CAP2: variants seen among roughly 807,000 people sequenced by gnomAD.
CAP2 encodes the protein cyclase associated actin cytoskeleton regulatory protein 2.
Under a neutral mutation model 57.7 loss-of-function variants are expected in CAP2, and 24 were observed. That is an observed-to-expected ratio of 0.42 (90% CI 0.30 to 0.58). The LOEUF (loss-of-function observed/expected upper bound fraction) is 0.58. Among genes scored for constraint, CAP2 ranks in the 20% least tolerant of loss-of-function variants. The pLI is 0.22. For synonymous variants in CAP2, 194 were observed against 207.2 expected (o/e 0.94, Z 0.55); for missense variants, 501 against 590.3 (o/e 0.85, Z 1.57).
intron 3 of CAP2, among the ~76,000 whole-genome samples, chr6:17,461,719 G>A (rs908103001): frequency 5.3e-5 from 8 of 151,596 alleles, no homozygotes; most frequent in East Asian, 2.0e-4. Context: ...AAGGCCAGGC[G>A]TGGTGGCTCA....
At chr6:17,456,483 C>A (rs1410470996) in intron 3 of CAP2, among the ~76,000 whole-genome samples, 1 of 152,124 alleles carries the variant, frequency 6.6e-6, no homozygotes, top group Non-Finnish European at 1.5e-5. Flanking sequence ...TTCTTTACCT[C>A]TTCATTGGCA....
chr6:17,480,940 G>A (rs1227226207), intron 4 of CAP2, among the ~76,000 whole-genome samples: 1 of 140,660 alleles, frequency 7.1e-6, no homozygotes, highest in Non-Finnish European at 1.5e-5. Flanking sequence ...CACCACACCT[G>A]GCTAATTTTG....
intron 3 of CAP2, among the ~76,000 whole-genome samples, chr6:17,454,457 C>G (rs966121368): frequency 6.6e-6 from 1 of 152,252 alleles, no homozygotes; most frequent in Non-Finnish European, 1.5e-5. Flanking sequence ...ATTCTGTCCT[C>G]GGCCTGCAGC....
chr6:17,541,585 A>T (rs1244228671), intron 9 of CAP2, among the ~76,000 whole-genome samples: 1 of 152,152 alleles, frequency 6.6e-6, no homozygotes, highest in African/African-American at 2.4e-5. Flanking sequence ...GTCTCAAAAA[A>T]AAAGAATGGG....
At chr6:17,487,565 G>A (rs2113630676) in intron 4 of CAP2, among the ~76,000 whole-genome samples, 1 of 152,282 alleles carries the variant, frequency 6.6e-6, no homozygotes, top group East Asian at 1.9e-4. Context: ...CGCCTCCCGG[G>A]TTCAAGCGAT....
intron 4 of CAP2, among the ~76,000 whole-genome samples, chr6:17,476,145 AC>A (rs1244227874): frequency 6.6e-6 from 1 of 152,242 alleles, no homozygotes; most frequent in East Asian, 1.9e-4. Context: ...CATCATACAA[AC>A]CAAGATACAA....
chr6:17,419,935 A>G (rs1033349947), intron 1 of CAP2, among the ~76,000 whole-genome samples: 4 of 152,020 alleles, frequency 2.6e-5, no homozygotes, highest in African/African-American at 9.7e-5. Flanking sequence ...GCAGTGGCAC[A>G]ATCTCGGCTC....
intron 4 of CAP2, among the ~76,000 whole-genome samples, chr6:17,492,941 A>G (rs543644993): frequency 2.6e-5 from 4 of 152,320 alleles, no homozygotes; most frequent in South Asian, 4.1e-4. Context: ...TGTAACAGAT[A>G]AAAAGAACAA....
At chr6:17,427,447 G>A (rs1194349467) in intron 3 of CAP2, among the ~76,000 whole-genome samples, 1 of 152,068 alleles carries the variant, frequency 6.6e-6, no homozygotes, top group Non-Finnish European at 1.5e-5. Context: ...TCTGTAAAAT[G>A]CGGCCTGAGG....
rs1762629658 is a variant in CAP2, at chr6:17,531,176, A to G, written c.637-8093A>G. On this transcript the variant is annotated intron_variant, in intron 7 of 12. Coordinates refer to ENST00000229922, the MANE Select transcript of CAP2 (RefSeq NM_006366.3). ...TACTGATTTTGCCATAACCACACTT[A>G]TGGATTAGTTCATTTACTGACTTCA... The G allele has an allele frequency of 6.5e-6, 5 of 766,802 alleles. No homozygotes were observed. The East Asian group carries it at 1.2e-4, about 19-fold the overall frequency. The allele number at this position is 766,802 out of a possible 1,614,324, so 47.5% of individuals were successfully genotyped here. A position where few individuals can be genotyped will look rare whatever the true frequency, so the allele number is the denominator to read the frequency against.
chr6:17,476,864 C>CTTTTTTTTTTT (rs67003718), intron 4 of CAP2, among the ~76,000 whole-genome samples: 2 of 72,408 alleles, frequency 2.8e-5, no homozygotes, highest in Non-Finnish European at 2.3e-5. Context: ...TTTCTTACTT[C>CTTTTTTTTTTT]TTTTTTTTTT....
chr6:17,396,552 T>C (rs912650967), intron 1 of CAP2, among the ~76,000 whole-genome samples: 4 of 152,254 alleles, frequency 2.6e-5, no homozygotes, highest in African/African-American at 9.6e-5. Context: ...AGTCAAAATA[T>C]CACGTACTGT....
intron 1 of CAP2, among the ~76,000 whole-genome samples, chr6:17,405,170 G>A (rs959023017): frequency 6.6e-6 from 1 of 152,150 alleles, no homozygotes; most frequent in Admixed American, 6.5e-5. Context: ...ATCACCTGAG[G>A]TCAGGATTCG....
chr6:17,428,684 T>G (rs1446385259), intron 3 of CAP2, among the ~76,000 whole-genome samples: 2 of 150,182 alleles, frequency 1.3e-5, no homozygotes, highest in Non-Finnish European at 3.0e-5. Context: ...AGATGACGAG[T>G]TAGTGGGTGC....
chr6:17,498,228 A>T (rs547529395), intron 4 of CAP2, among the ~76,000 whole-genome samples: 1 of 152,336 alleles, frequency 6.6e-6, no homozygotes, highest in East Asian at 1.9e-4. Flanking sequence ...AAAGACAAAG[A>T]ATAGTAAGTG....
intron 4 of CAP2, among the ~76,000 whole-genome samples, chr6:17,491,772 G>T (rs186574435): frequency 5.1e-4 from 77 of 152,280 alleles, no homozygotes; most frequent in African/African-American, 1.8e-3. Flanking sequence ...ATAAAACAGG[G>T]ATAATAATGC....
In CAP2 at chr6:17,555,930, G is replaced by A. The variant is rs144587625; in HGVS notation, c.1351-429G>A. Among the ~76,000 whole-genome samples, 321 of 152,268 alleles carry A rather than the reference G, an allele frequency of 2.1e-3. 3 individuals carry two copies. Among genetic ancestry groups the A allele is most frequent in the East Asian group, 0.01 (54 of 5,178 alleles). On this transcript the variant is annotated intron_variant, in intron 12 of 12. Coordinates refer to ENST00000229922, the MANE Select transcript of CAP2 (RefSeq NM_006366.3). Reference sequence around the variant, plus strand: ...GCATGTTAAAGTTTAGTGGAGAGTAGTAGGTAAGATAGAGCGCAGATTTGA... The same window carrying A: ...GCATGTTAAAGTTTAGTGGAGAGTAATAGGTAAGATAGAGCGCAGATTTGA...
At chr6:17,479,229 G>A (rs1027189294) in intron 4 of CAP2, among the ~76,000 whole-genome samples, 3 of 152,130 alleles carry the variant, frequency 2.0e-5, no homozygotes, top group Non-Finnish European at 2.9e-5. Flanking sequence ...GTACACACAC[G>A]TCTGTACCAC....
At chr6:17,493,705 T>C (rs1475814020) in intron 4 of CAP2, 1 of 149,434 alleles carries the variant, frequency 6.7e-6, no homozygotes, top group Non-Finnish European at 1.5e-5. Flanking sequence ...ATTGAAAATG[T>C]GAGAAGATGC....
Sources: allele counts gnomAD v4.1 joint callset (sites outside exome capture counted in the v4.1 genomes callset), GRCh38; gene constraint gnomAD v4.1.1; transcripts MANE v1.5; gene names NCBI Gene and HGNC (gene_info 2026-07-23, HGNC 2026-07-21).